The following LDLRAD4 variants were observed in gnomAD, a reference collection of about 807,000 sequenced individuals.
LDLRAD4 encodes low density lipoprotein receptor class A domain containing 4.
LDLRAD4 carries 5 observed loss-of-function variants against 17.0 expected under a neutral mutation model. The observed-to-expected ratio is 0.29, with a 90% CI of 0.15 to 0.62. LDLRAD4 has a LOEUF of 0.62. LDLRAD4 is among the 20% of genes least tolerant of loss of function. The pLI, the probability that LDLRAD4 is intolerant of heterozygous loss-of-function variation, is 0.84. For synonymous variants in LDLRAD4, 168 were observed against 171.8 expected (o/e 0.98, Z 0.17); for missense variants, 340 against 424.7 (o/e 0.80, Z 1.75).
At chr18:13,627,056 G>T (rs1288139060) in intron 4 of LDLRAD4, among the ~76,000 whole-genome samples, 2 of 152,164 alleles carry the variant, frequency 1.3e-5, no homozygotes, top group Non-Finnish European at 2.9e-5. Flanking sequence ...GATCACTTGA[G>T]GTCAGGAGTT....
chr18:13,491,118 TACTC>T (rs1336966444), intron 3 of LDLRAD4: 1 of 152,250 alleles, frequency 6.6e-6, no homozygotes, highest in Non-Finnish European at 1.5e-5. Flanking sequence ...CGCAGACCCT[TACTC>T]AGCCTGTGGG....
At chr18:13,543,841 G>A (rs930986349) in intron 3 of LDLRAD4, among the ~76,000 whole-genome samples, 2 of 152,314 alleles carry the variant, frequency 1.3e-5, no homozygotes, top group Admixed American at 6.5e-5. Context: ...AAAAACGACC[G>A]CCAACGGGGC....
chr18:13,494,678 A>ATT (rs373444135), intron 3 of LDLRAD4, among the ~76,000 whole-genome samples: 4 of 9,678 alleles, frequency 4.1e-4, no homozygotes, highest in Admixed American at 1.5e-3. Flanking sequence ...TTAATAATAT[A>ATT]ATATATTATT....
chr18:13,357,684 G>A (rs912524938), intron 1 of LDLRAD4, among the ~76,000 whole-genome samples: 1 of 152,184 alleles, frequency 6.6e-6, no homozygotes, highest in African/African-American at 2.4e-5. Flanking sequence ...AGTTGCATTA[G>A]TTCATTGGGG....
intron 4 of LDLRAD4, among the ~76,000 whole-genome samples, chr18:13,635,632 A>C (rs907676960): frequency 5.3e-5 from 8 of 152,184 alleles, no homozygotes; most frequent in Non-Finnish European, 1.0e-4. Context: ...TTCACTGACC[A>C]TTCAGAAGGA....
At chr18:13,260,531 C>T (rs764848408) in intron 1 of LDLRAD4, among the ~76,000 whole-genome samples, 2 of 152,198 alleles carry the variant, frequency 1.3e-5, no homozygotes, top group Non-Finnish European at 1.5e-5. Flanking sequence ...AATTTGCTCC[C>T]GTTCAGGGTG....
At chr18:13,632,938 G>A (rs558623687) in intron 4 of LDLRAD4, among the ~76,000 whole-genome samples, 1 of 152,308 alleles carries the variant, frequency 6.6e-6, no homozygotes, top group South Asian at 2.1e-4. Flanking sequence ...CCCCAGACAG[G>A]TCATCCCAAT....
intron 3 of LDLRAD4, among the ~76,000 whole-genome samples, chr18:13,564,024 G>C (rs369332810): frequency 6.6e-6 from 1 of 152,172 alleles, no homozygotes. Context: ...TCCCAACCCA[G>C]CCTCCCAAAG....
intron 3 of LDLRAD4, among the ~76,000 whole-genome samples, chr18:13,548,504 C>T (rs1012576182): frequency 1.3e-4 from 20 of 152,242 alleles, no homozygotes; most frequent in African/African-American, 4.6e-4. Context: ...AGTGCCACTC[C>T]AAGTATGTGC....
chr18:13,622,791 A>G lies in LDLRAD4; in HGVS notation c.336+1520A>G, dbSNP rs1383047581. On this transcript the variant is annotated intron_variant, in intron 4 of 5. Coordinates refer to ENST00000359446, the Ensembl canonical transcript of LDLRAD4. This position sits in a 1 kb window ranked among gnomAD's most constrained non-coding sequence, Gnocchi z 5.3. ...TTTCAGAACCGCAGAAGGCTCAGACATCGCTGCTTTGCCTTAATGTATTAC... is the reference window on the plus strand; with the variant it reads ...TTTCAGAACCGCAGAAGGCTCAGACGTCGCTGCTTTGCCTTAATGTATTAC... Among the ~76,000 whole-genome samples, 1 of 152,210 alleles carries G rather than the reference A, an allele frequency of 6.6e-6. No individual in the cohort carries two copies. Among genetic ancestry groups the G allele is most frequent in the South Asian group, 2.1e-4 (1 of 4,834 alleles).
Position 13,493,257 on chromosome 18 carries a change from C to T in LDLRAD4, c.181+54873C>T, listed in dbSNP as rs1029333400. On this transcript the variant is annotated intron_variant, in intron 3 of 5. Transcript: ENST00000359446. ...TGCTCATACTGGGAAAGTGTATGTC[C>T]TCACCCCAAGGCCAGGCTGACACCC... Among the ~76,000 whole-genome samples, 9 of 152,142 alleles carry T rather than the reference C, an allele frequency of 5.9e-5. 1 individual carries two copies. The East Asian group carries it at 1.7e-3, about 29-fold the overall frequency.
At chr18:13,414,491 T>C (rs1443605403) in intron 2 of LDLRAD4, among the ~76,000 whole-genome samples, 1 of 152,248 alleles carries the variant, frequency 6.6e-6, no homozygotes, top group Admixed American at 6.5e-5. Flanking sequence ...AATTTGAATT[T>C]TACAAAGAGG....
At chr18:13,376,084 C>T (rs374175882) in intron 1 of LDLRAD4, among the ~76,000 whole-genome samples, 1 of 152,106 alleles carries the variant, frequency 6.6e-6, no homozygotes, top group African/African-American at 2.4e-5. Context: ...CTTCATCAGA[C>T]TCTGGGAGGG....
intron 1 of LDLRAD4, among the ~76,000 whole-genome samples, chr18:13,365,922 C>G (rs950677003): frequency 3.3e-5 from 5 of 152,124 alleles, no homozygotes; most frequent in Admixed American, 6.5e-5. Context: ...TACAGGCGCC[C>G]GTCATCACAC....
upstream of LDLRAD4, among the ~76,000 whole-genome samples, chr18:13,276,022 A>G (rs1340416522): frequency 1.3e-5 from 2 of 152,108 alleles, no homozygotes; most frequent in African/African-American, 2.4e-5. Flanking sequence ...TTATTTATTT[A>G]TTTTGAGATA....
intron 1 of LDLRAD4, among the ~76,000 whole-genome samples, chr18:13,252,118 TTTTG>T (rs145425128): frequency 0.1 from 15,670 of 152,128 alleles, 925 homozygotes; most frequent in East Asian, 0.17. Context: ...CTTCATTGGT[TTTTG>T]TTTGTTTGTT....
chr18:13,326,661 G>A (rs908004919), intron 1 of LDLRAD4, among the ~76,000 whole-genome samples: 8 of 152,220 alleles, frequency 5.3e-5, no homozygotes, highest in East Asian at 1.9e-4. Context: ...TTTCTGCGGG[G>A]TTTGGCTGAT....
At chr18:13,580,047 A>T (rs1431228007) in intron 3 of LDLRAD4, among the ~76,000 whole-genome samples, 1 of 152,150 alleles carries the variant, frequency 6.6e-6, no homozygotes, top group Non-Finnish European at 1.5e-5. Context: ...TATTAACGTG[A>T]TGCTTTTCTC....
intron 1 of LDLRAD4, among the ~76,000 whole-genome samples, chr18:13,330,428 C>A (rs1283592136): frequency 1.3e-5 from 2 of 152,070 alleles, no homozygotes; most frequent in Non-Finnish European, 1.5e-5. Flanking sequence ...CTGTCCTAAT[C>A]CTCGTGTATC....
Sources: gnomAD v4.1 joint callset for allele counts (sites outside exome capture counted in the v4.1 genomes callset) on GRCh38, gnomAD v4.1.1 for gene constraint, Gnocchi (gnomAD v3.1) non-coding constraint, MANE v1.5 for transcripts, NCBI Gene and HGNC (gene_info 2026-07-23, HGNC 2026-07-21) for gene names.